TLN2: variants seen among roughly 807,000 people sequenced by gnomAD.
The protein encoded by TLN2 is talin-2.
In TLN2, 118 loss-of-function variants were observed where a neutral mutation model predicts 294.7. That is an observed-to-expected ratio of 0.40 (90% confidence interval 0.34 to 0.47). The LOEUF is 0.47. Among genes scored for constraint, TLN2 ranks in the 20% least tolerant of loss-of-function variants. TLN2 has a pLI of 0.84. For synonymous variants in TLN2, 1,431 were observed against 1,304.5 expected, an observed-to-expected ratio of 1.10 and a Z score of -2.09; for missense variants, 3,083 against 3,282.2, an observed-to-expected ratio of 0.94 and a Z score of 1.48.
intron 3 of TLN2, among the ~76,000 whole-genome samples, chr15:62,626,586 G>A (rs563195963): frequency 6.9e-6 from 1 of 144,060 alleles, no homozygotes; most frequent in African/African-American, 2.5e-5. Flanking sequence ...CATTTTCCCT[G>A]ATCTGGGCAA....
chr15:62,837,905 AC>A (rs1476821483), intron 57 of TLN2, among the ~76,000 whole-genome samples: 2 of 152,118 alleles, frequency 1.3e-5, no homozygotes, highest in African/African-American at 4.8e-5. Context: ...CTGATGGCGA[AC>A]CCTCAAGCAC....
At chr15:62,484,540 C>T (rs1356767963) in intron 1 of TLN2, among the ~76,000 whole-genome samples, 1 of 152,160 alleles carries the variant, frequency 6.6e-6, no homozygotes, top group Admixed American at 6.5e-5. Flanking sequence ...ATTCTCCTGC[C>T]TCAGCCTCCC....
intron 12 of TLN2, among the ~76,000 whole-genome samples, chr15:62,688,853 T>A (rs1018149687): frequency 1.3e-5 from 2 of 152,124 alleles, no homozygotes; most frequent in African/African-American, 4.8e-5. Flanking sequence ...GCATGATACA[T>A]CTTTTTCCAT....
At chr15:62,395,623 A>G (rs1165513619) in intron 1 of TLN2, among the ~76,000 whole-genome samples, 1 of 152,208 alleles carries the variant, frequency 6.6e-6, no homozygotes, top group Admixed American at 6.5e-5. Context: ...TTGACATGTA[A>G]GAATCTGTGT....
At chr15:62,538,145 C>T (rs539358322) in intron 1 of TLN2, among the ~76,000 whole-genome samples, 3 of 152,186 alleles carry the variant, frequency 2.0e-5, no homozygotes, top group African/African-American at 7.2e-5. Context: ...TGTTTGAACC[C>T]AGGAGGCAGA....
intron 1 of TLN2, among the ~76,000 whole-genome samples, chr15:62,575,812 A>G (rs2044342909): frequency 6.6e-6 from 1 of 152,238 alleles, no homozygotes; most frequent in African/African-American, 2.4e-5. Flanking sequence ...AAACCAGTGG[A>G]AAGCAAGTGA....
At chr15:62,469,134 T>C (rs149745600) in intron 1 of TLN2, among the ~76,000 whole-genome samples, 1 of 152,210 alleles carries the variant, frequency 6.6e-6, no homozygotes, top group Non-Finnish European at 1.5e-5. Context: ...ATGAGAAACA[T>C]TTGTGTTGGA....
At chr15:62,513,828 G>C (rs1159572402) in intron 1 of TLN2, among the ~76,000 whole-genome samples, 2 of 152,200 alleles carry the variant, frequency 1.3e-5, no homozygotes, top group African/African-American at 4.8e-5. Context: ...TTCAGAACCT[G>C]TTTGGCATTT....
chr15:62,647,177 T>G, intron 3 of TLN2, 98 bp from the exon 4 acceptor site: 1 of 1,157,030 alleles, frequency 8.6e-7, no homozygotes, highest in East Asian at 2.4e-5. Flanking sequence ...CTTTCCATGT[T>G]TAAAGTTGAT....
At chr15:62,392,007 C>T (rs1197522811) in intron 1 of TLN2, among the ~76,000 whole-genome samples, 1 of 152,256 alleles carries the variant, frequency 6.6e-6, no homozygotes, top group African/African-American at 2.4e-5. Flanking sequence ...GAGGAGGCGC[C>T]TTGGTTCGTG....
intron 1 of TLN2, among the ~76,000 whole-genome samples, chr15:62,515,730 C>A (rs1213195211): frequency 7.8e-6 from 1 of 128,996 alleles, no homozygotes; most frequent in Non-Finnish European, 1.6e-5. Flanking sequence ...GTTTTTCACA[C>A]ATCTGATTTT....
intron 35 of TLN2, 81 bp downstream of exon 35, chr15:62,752,508 T>G (rs1038724891): frequency 1.3e-6 from 2 of 1,551,350 alleles, no homozygotes; most frequent in African/African-American, 2.7e-5. Context: ...GCTGCACCTC[T>G]TTCTCCAAGT....
intron 19 of TLN2, among the ~76,000 whole-genome samples, chr15:62,703,456 ATAT>A (rs1202876628): frequency 2.0e-5 from 3 of 151,946 alleles, no homozygotes; most frequent in African/African-American, 7.3e-5. Flanking sequence ...AAGGGAGGAA[ATAT>A]TAATAGTGTC....
intron 1 of TLN2, among the ~76,000 whole-genome samples, chr15:62,445,181 T>C (rs1160340134): frequency 2.6e-5 from 4 of 152,090 alleles, no homozygotes; most frequent in African/African-American, 9.7e-5. Flanking sequence ...CACCTGCAGG[T>C]GTGACCCAGC....
chr15:62,425,327 G>GCCA (rs375974387), intron 1 of TLN2, among the ~76,000 whole-genome samples: 1 of 102,932 alleles, frequency 9.7e-6, no homozygotes, highest in Non-Finnish European at 2.4e-5. Context: ...GGGGAATACT[G>GCCA]CCTGCGGTTG....
At position 62,798,229 on chromosome 15, in the gene TLN2, C is replaced by T. The variant is rs186636127; in HGVS notation, c.6234+827C>T. On this transcript the variant is annotated intron_variant, in intron 48 of 58. Coordinates refer to ENST00000636159, the MANE Select transcript of TLN2 (RefSeq NM_015059.3). Reference sequence around the variant, plus strand: ...CTGTAGATGGCCCAGGTGAGAACTTCGGTTCTCAAGGAAGAGAGAGAAGAA... The same window carrying T: ...CTGTAGATGGCCCAGGTGAGAACTTTGGTTCTCAAGGAAGAGAGAGAAGAA... Among the ~76,000 whole-genome samples, 429 of 152,182 alleles carry T rather than the reference C, an allele frequency of 2.8e-3. 5 individuals are homozygous for T. Among genetic ancestry groups the T allele is most frequent in the African/African-American group, 9.7e-3 (404 of 41,510 alleles).
chr15:62,696,488 C>G (rs2058346386), intron 14 of TLN2, among the ~76,000 whole-genome samples: 1 of 152,194 alleles, frequency 6.6e-6, no homozygotes, highest in Non-Finnish European at 1.5e-5. Flanking sequence ...GGGTGGTTCA[C>G]CTGAGGTCAG....
At chr15:62,703,753 C>G (rs1340729341) in intron 19 of TLN2, among the ~76,000 whole-genome samples, 1 of 152,090 alleles carries the variant, frequency 6.6e-6, no homozygotes, top group African/African-American at 2.4e-5. Context: ...TGTGACCCTT[C>G]TTTTTCAATA....
chr15:62,548,955 T>C (rs1030963763), intron 1 of TLN2, among the ~76,000 whole-genome samples: 4 of 152,216 alleles, frequency 2.6e-5, no homozygotes, highest in Admixed American at 6.5e-5. Flanking sequence ...GAGTTATTAC[T>C]GTATCTGTCT....
Sources: gnomAD v4.1 joint callset for allele counts (sites outside exome capture counted in the v4.1 genomes callset) on GRCh38, gnomAD v4.1.1 for gene constraint, MANE v1.5 for transcripts, NCBI Gene and HGNC (gene_info 2026-07-23, HGNC 2026-07-21) for gene names.